Variants in IL1RAPL1 observed in about 807,000 individuals in gnomAD.
The protein encoded by IL1RAPL1 is interleukin-1 receptor accessory protein-like 1.
Under a neutral mutation model 48.4 loss-of-function variants are expected in IL1RAPL1, and 3 were observed. That is an observed-to-expected ratio of 0.06 (90% CI 0.03 to 0.16). The LOEUF is 0.16. Among genes scored for constraint, IL1RAPL1 ranks in the 10% least tolerant of loss-of-function variants. The probability of loss-of-function intolerance (pLI) is 1.00; values close to 1 mark genes in which losing one functional copy is unlikely to be tolerated. For synonymous variants in IL1RAPL1, 185 were observed against 187.7 expected, an observed-to-expected ratio of 0.99 and a Z score of 0.12; for missense variants, 349 against 530.6, an observed-to-expected ratio of 0.66 and a Z score of 3.36.
chrX:29,389,180 C>A (rs1245583627), intron 3 of IL1RAPL1, among the ~76,000 whole-genome samples: 1 of 109,390 alleles, frequency 9.1e-6, no homozygotes, highest in Non-Finnish European at 1.9e-5. Context: ...CACGGTGAAA[C>A]CCCATCTCTA....
chrX:29,744,223 T>A (rs1601805228), intron 6 of IL1RAPL1, among the ~76,000 whole-genome samples: 1 of 111,972 alleles, frequency 8.9e-6, no homozygotes, highest in Non-Finnish European at 1.9e-5. Flanking sequence ...GGGTGATGCT[T>A]TGTAGGAGTG....
chrX:28,898,568 G>A (rs1176718630), intron 2 of IL1RAPL1, among the ~76,000 whole-genome samples: 1 of 110,776 alleles, frequency 9.0e-6, no homozygotes, highest in Non-Finnish European at 1.9e-5. Context: ...TACCGCCTCT[G>A]CCTCCCTATG....
intron 1 of IL1RAPL1, among the ~76,000 whole-genome samples, chrX:28,669,785 GTA>G (rs1156723924): frequency 8.9e-5 from 9 of 100,615 alleles, no homozygotes; most frequent in Admixed American, 2.3e-4. Context: ...TATATAAATT[GTA>G]TATATATATA....
At chrX:29,925,464 G>T (rs1454972954) in intron 8 of IL1RAPL1, among the ~76,000 whole-genome samples, 1 of 63,369 alleles carries the variant, frequency 1.6e-5, no homozygotes, top group Non-Finnish European at 2.7e-5. Flanking sequence ...GGGCTTCTCT[G>T]CTCATTTGTA....
chrX:28,977,675 A>G (rs1925237914), intron 2 of IL1RAPL1, among the ~76,000 whole-genome samples: 1 of 112,430 alleles, frequency 8.9e-6, no homozygotes, highest in Admixed American at 9.4e-5. Flanking sequence ...GTTAAGAGAG[A>G]ATTAAGGAGA....
At chrX:29,366,318 T>C (rs148400853) in intron 3 of IL1RAPL1, among the ~76,000 whole-genome samples, 2,353 of 110,185 alleles carry the variant, frequency 0.021, 65 homozygotes, top group African/African-American at 0.074. Context: ...CTGATAGATT[T>C]TGTGTTTTTA....
At chrX:29,005,554 T>C (rs1459501575) in intron 2 of IL1RAPL1, among the ~76,000 whole-genome samples, 1 of 112,187 alleles carries the variant, frequency 8.9e-6, no homozygotes, top group Non-Finnish European at 1.9e-5. Context: ...AGTAAACTTT[T>C]AGCAGCAAGA....
In IL1RAPL1 at chrX:29,752,898, G is replaced by T. The variant is rs1328322432; in HGVS notation, c.778+84394G>T. ...TTACCCTGTGGTCTCAAACATATGA[G>T]TTAAAAGACATAATAAAAACTATCA... On this transcript the variant is annotated intron_variant, in intron 6 of 10. Coordinates refer to ENST00000378993, the MANE Select transcript of IL1RAPL1 (RefSeq NM_014271.4). 3.6e-5 allele frequency among the ~76,000 whole-genome samples: 4 copies of T among 112,003 alleles called. No individual in the cohort carries two copies. The East Asian group carries it at 8.4e-4, about 23-fold the overall frequency.
chrX:29,114,514 C>G (rs956432568), intron 2 of IL1RAPL1, among the ~76,000 whole-genome samples: 35 of 111,972 alleles, frequency 3.1e-4, no homozygotes, highest in African/African-American at 1.1e-3. Context: ...AAAATTTTGT[C>G]TCTTCAAATA....
At chrX:29,714,048 C>T (rs1418632830) in intron 6 of IL1RAPL1, among the ~76,000 whole-genome samples, 2 of 111,223 alleles carry the variant, frequency 1.8e-5, no homozygotes, top group Non-Finnish European at 3.8e-5. Flanking sequence ...AGTAAATATA[C>T]GCTGAGATAG....
chrX:28,975,552 G>T (rs1925184748), intron 2 of IL1RAPL1, among the ~76,000 whole-genome samples: 1 of 111,750 alleles, frequency 8.9e-6, no homozygotes, highest in African/African-American at 3.3e-5. Context: ...AAAAAATTGA[G>T]CAACTTTCTA....
chrX:28,856,541 G>A (rs754803481), intron 2 of IL1RAPL1, among the ~76,000 whole-genome samples: 3 of 111,329 alleles, frequency 2.7e-5, no homozygotes, highest in Non-Finnish European at 3.8e-5. Flanking sequence ...TTTTTTCAAC[G>A]CATTTGCTCA....
intron 6 of IL1RAPL1, among the ~76,000 whole-genome samples, chrX:29,809,681 A>G (rs978886879): frequency 3.6e-5 from 4 of 110,880 alleles, no homozygotes; most frequent in Admixed American, 9.6e-5. Flanking sequence ...TGGTTGTTCA[A>G]TGTTATACTC....
intron 2 of IL1RAPL1, among the ~76,000 whole-genome samples, chrX:29,200,343 T>C (rs1368222655): frequency 1.8e-5 from 2 of 111,476 alleles, no homozygotes; most frequent in Non-Finnish European, 3.8e-5. Context: ...TGATTGCATT[T>C]AGTATCTTCT....
Position 28,660,486 on chromosome X carries a change from T to C in IL1RAPL1, c.-25+72439T>C, listed in dbSNP as rs369423606. Among the ~76,000 whole-genome samples, 18 of 111,642 alleles carry C rather than the reference T, an allele frequency of 1.6e-4. 1 individual carries two copies. Among genetic ancestry groups the C allele is most frequent in the Admixed American group, 1.5e-3 (16 of 10,445 alleles). ...GAAAGACAGAAAGGGTAACATATGA[T>C]ATGAATTATTAGATATAGGATACTC... On this transcript the variant is annotated intron_variant, in intron 1 of 10. Transcript: ENST00000378993.
intron 2 of IL1RAPL1, among the ~76,000 whole-genome samples, chrX:29,095,247 T>G (rs2147459445): frequency 9.0e-6 from 1 of 111,501 alleles, no homozygotes; most frequent in South Asian, 3.8e-4. Context: ...GTTTTTGCCT[T>G]CCTGTTAGGC....
In IL1RAPL1 at chrX:29,652,431, G is replaced by A. The variant is rs142206632; in HGVS notation, c.704-15999G>A. Among the ~76,000 whole-genome samples, 278 of 110,866 alleles carry A rather than the reference G, an allele frequency of 2.5e-3. 1 individual carries two copies. The highest frequency in any genetic ancestry group is 8.8e-3 in the African/African-American group (269 of 30,577). On this transcript the variant is annotated intron_variant, in intron 5 of 10. Transcript: ENST00000378993. ...GTTAGGATTTAAGAAGGAGGGATAC[G>A]GAAGGATGGGTTAGGATTTAAGGAG...
chrX:28,693,070 T>C (rs1246638610), intron 1 of IL1RAPL1, among the ~76,000 whole-genome samples: 1 of 111,982 alleles, frequency 8.9e-6, no homozygotes, highest in Non-Finnish European at 1.9e-5. Context: ...AAACACTGTG[T>C]TTCAATACTT....
chrX:28,710,012 A>G (rs2146934285), intron 1 of IL1RAPL1, among the ~76,000 whole-genome samples: 1 of 111,910 alleles, frequency 8.9e-6, no homozygotes, highest in African/African-American at 3.2e-5. Flanking sequence ...ATCTATTTTT[A>G]TAGACAGCGA....
Sources: gnomAD v4.1 joint callset for allele counts (sites outside exome capture counted in the v4.1 genomes callset) on GRCh38, gnomAD v4.1.1 for gene constraint, MANE v1.5 for transcripts, NCBI Gene and HGNC (gene_info 2026-07-23, HGNC 2026-07-21) for gene names.